Variants in PLCL2 observed in about 807,000 individuals in gnomAD.
PLCL2 encodes the protein inactive phospholipase C-like protein 2.
PLCL2 carries 4 observed loss-of-function variants against 79.6 expected under a neutral mutation model. That is an observed-to-expected ratio of 0.05 (90% CI 0.02 to 0.11). The LOEUF is 0.11. Ranked by LOEUF, PLCL2 falls within the 10% of genes least tolerant of loss-of-function variation. The pLI is 1.00. For missense variants in PLCL2, 895 were observed against 1,291.0 expected (o/e 0.69, Z 4.70); for synonymous variants, 484 against 457.7 (o/e 1.06, Z -0.73).
chr3:16,921,390 C>G (rs1373107868), intron 1 of PLCL2, among the ~76,000 whole-genome samples: 1 of 152,136 alleles, frequency 6.6e-6, no homozygotes, highest in African/African-American at 2.4e-5. Context: ...CTTACTTGCT[C>G]CAGACACTTT....
intron 5 of PLCL2, among the ~76,000 whole-genome samples, chr3:17,071,658 G>GT (rs1256524387): frequency 9.2e-5 from 14 of 151,778 alleles, no homozygotes; most frequent in Non-Finnish European, 1.5e-5. Flanking sequence ...CACACTTTCG[G>GT]TATGTTTGAA....
intron 1 of PLCL2, among the ~76,000 whole-genome samples, chr3:16,978,418 T>G (rs35307172): frequency 1.3e-5 from 2 of 152,142 alleles, no homozygotes; most frequent in African/African-American, 4.8e-5. Flanking sequence ...AAACTTTATT[T>G]TTCTTATTAC....
intron 1 of PLCL2, among the ~76,000 whole-genome samples, chr3:16,922,139 T>G (rs927643318): frequency 4.6e-5 from 7 of 152,198 alleles, no homozygotes; most frequent in African/African-American, 1.7e-4. Context: ...GCTAGAAGAA[T>G]TTGGCTCTGC....
chr3:17,089,523 G>T (rs1214648412), intron 5 of PLCL2, among the ~76,000 whole-genome samples: 1 of 152,106 alleles, frequency 6.6e-6, no homozygotes, highest in Non-Finnish European at 1.5e-5. Context: ...GGCCAGAAAG[G>T]CAGCATACTC....
intron 1 of PLCL2, among the ~76,000 whole-genome samples, chr3:16,975,046 G>A (rs1225416958): frequency 6.6e-6 from 1 of 152,142 alleles, no homozygotes; most frequent in Non-Finnish European, 1.5e-5. Flanking sequence ...AGGAAAGGGT[G>A]CTTACTTCAG....
At position 17,026,166 on chromosome 3, in the gene PLCL2, G is replaced by T. The variant is rs2064515282; in HGVS notation, c.3018+11255G>T. On this transcript the variant is annotated intron_variant, in intron 3 of 5. Transcript: ENST00000615277. ...GACGAATTTATCAGGAATAAAAATA[G>T]CATTTAATAATGGTTTTAAGCCTTT... 4.6e-5 allele frequency among the ~76,000 whole-genome samples: 7 copies of T among 152,238 alleles called. No individual in the cohort carries two copies. The South Asian group carries it at 1.5e-3, about 32-fold the overall frequency.
At chr3:16,943,276 G>C (rs753630670) in intron 1 of PLCL2, among the ~76,000 whole-genome samples, 1 of 152,184 alleles carries the variant, frequency 6.6e-6, no homozygotes, top group Non-Finnish European at 1.5e-5. Context: ...GTTATTAACT[G>C]TGAGAACAAT....
Position 17,090,278 on chromosome 3 carries a change from G to C in PLCL2, c.*366G>C. ...TGGATTGTCAAATTATTATTTATTG[G>C]AGAAAAAAACCTGATCTACACATTT... On this transcript the variant is annotated 3_prime_UTR_variant, in exon 6 of 6. Coordinates refer to ENST00000615277, the MANE Select transcript of PLCL2 (RefSeq NM_001144382.2). The C allele has an allele frequency of 1.0e-6, 1 of 969,540 alleles. No individual in the cohort carries two copies. Among genetic ancestry groups the C allele is most frequent in the South Asian group, 4.8e-5 (1 of 20,636 alleles). The allele number at this position is 969,540 out of a possible 1,614,324, so 60.1% of individuals were successfully genotyped here.
intron 5 of PLCL2, chr3:17,081,287 A>G: frequency 2.2e-6 from 1 of 456,366 alleles, no homozygotes; most frequent in Middle Eastern, 3.4e-4. Context: ...TGTGATTTGG[A>G]AGAAAAGTGT....
intron 1 of PLCL2, among the ~76,000 whole-genome samples, chr3:16,967,067 C>G (rs1203151004): frequency 1.1e-4 from 16 of 152,088 alleles, no homozygotes; most frequent in Admixed American, 1.0e-3. Context: ...TGGCCTCTGG[C>G]TCCATTTATG....
At chr3:16,965,695 G>C (rs949719387) in intron 1 of PLCL2, among the ~76,000 whole-genome samples, 9 of 151,868 alleles carry the variant, frequency 5.9e-5, no homozygotes, top group East Asian at 5.8e-4. Context: ...CTTTTATTTC[G>C]TTGAGCAGTG....
chr3:16,994,300 GT>G (rs1343550913), intron 1 of PLCL2, among the ~76,000 whole-genome samples: 3 of 152,142 alleles, frequency 2.0e-5, no homozygotes, highest in Admixed American at 6.5e-5. Flanking sequence ...AATCACTTGA[GT>G]CTTCTGGATT....
chr3:16,962,245 G>C (rs1166733803), intron 1 of PLCL2, among the ~76,000 whole-genome samples: 1 of 152,170 alleles, frequency 6.6e-6, no homozygotes, highest in Non-Finnish European at 1.5e-5. Flanking sequence ...GGGATGATCA[G>C]TTGATTTAGT....
chr3:16,917,477 G>A (rs1697024018), intron 1 of PLCL2, among the ~76,000 whole-genome samples: 1 of 152,100 alleles, frequency 6.6e-6, no homozygotes, highest in Non-Finnish European at 1.5e-5. Context: ...TCTGATGTCT[G>A]GGGCTTCAAC....
intron 1 of PLCL2, among the ~76,000 whole-genome samples, chr3:16,926,590 G>A (rs747895027): frequency 3.3e-5 from 5 of 151,972 alleles, no homozygotes; most frequent in Non-Finnish European, 5.9e-5. Flanking sequence ...TTTTAATATA[G>A]TGATCAGATT....
At chr3:16,927,385 T>G (rs2124939892) in intron 1 of PLCL2, among the ~76,000 whole-genome samples, 1 of 152,236 alleles carries the variant, frequency 6.6e-6, no homozygotes, top group South Asian at 2.1e-4. Context: ...AGAAGACAAA[T>G]ATGACAATAG....
intron 4 of PLCL2, among the ~76,000 whole-genome samples, chr3:17,066,584 A>G (rs959214634): frequency 3.3e-5 from 5 of 152,264 alleles, no homozygotes; most frequent in Non-Finnish European, 7.3e-5. Context: ...AATTTACAAC[A>G]GTTCTAAATT....
At chr3:17,052,261 G>GT (rs1444976756) in intron 4 of PLCL2, among the ~76,000 whole-genome samples, 3 of 150,490 alleles carry the variant, frequency 2.0e-5, no homozygotes, top group East Asian at 3.9e-4. Flanking sequence ...AAATTGGGGG[G>GT]GGGTGAAGGT....
At chr3:16,986,098 T>G (rs2064048048) in intron 1 of PLCL2, among the ~76,000 whole-genome samples, 1 of 151,994 alleles carries the variant, frequency 6.6e-6, no homozygotes, top group South Asian at 2.1e-4. Flanking sequence ...CAAGGAGCTG[T>G]AGGGGGAAAG....
Sources: gnomAD v4.1 joint callset for allele counts (sites outside exome capture counted in the v4.1 genomes callset) on GRCh38, gnomAD v4.1.1 for gene constraint, MANE v1.5 for transcripts, NCBI Gene and HGNC (gene_info 2026-07-23, HGNC 2026-07-21) for gene names.